TSHZ1: variants seen among roughly 807,000 people sequenced by gnomAD.
TSHZ1 encodes the protein teashirt zinc finger homeobox 1.
TSHZ1 carries 12 observed loss-of-function variants against 67.1 expected under a neutral mutation model. That is an observed-to-expected ratio of 0.18 (90% CI 0.11 to 0.29). TSHZ1 has a LOEUF of 0.29. TSHZ1 is among the 10% of genes least tolerant of loss of function. TSHZ1 has a pLI of 1.00. For synonymous variants in TSHZ1, 632 were observed against 622.4 expected, an observed-to-expected ratio of 1.02 and a Z score of -0.23; for missense variants, 1,305 against 1,413.9, an observed-to-expected ratio of 0.92 and a Z score of 1.23.
intron 1 of TSHZ1, among the ~76,000 whole-genome samples, chr18:75,224,982 G>A (rs146493344): frequency 1.3e-4 from 20 of 152,032 alleles, no homozygotes; most frequent in African/African-American, 4.8e-4. Context: ...AGCAACAGCT[G>A]TCCTTTTTTT....
chr18:75,270,363 A>C (rs763881927), intron 1 of TSHZ1, among the ~76,000 whole-genome samples: 1 of 152,246 alleles, frequency 6.6e-6, no homozygotes. Flanking sequence ...GTCCAGAGGA[A>C]GGGTTCAACA....
At chr18:75,264,790 T>C (rs2023471342) in intron 1 of TSHZ1, among the ~76,000 whole-genome samples, 1 of 152,214 alleles carries the variant, frequency 6.6e-6, no homozygotes, top group Admixed American at 6.5e-5. Context: ...TCTTAAACTT[T>C]AGTGTCAAAT....
intron 1 of TSHZ1, among the ~76,000 whole-genome samples, chr18:75,242,164 G>A (rs1245392618): frequency 2.6e-5 from 4 of 151,940 alleles, no homozygotes. Flanking sequence ...TCACAGATGT[G>A]CTCAGGATAC....
chr18:75,250,191 G>T (rs1416200803), intron 1 of TSHZ1, among the ~76,000 whole-genome samples: 2 of 148,868 alleles, frequency 1.3e-5, no homozygotes, highest in African/African-American at 5.0e-5. Context: ...AGGTGGGGGG[G>T]TGACCTCCCC....
chr18:75,280,084 T>C (rs1297562850), intron 1 of TSHZ1, among the ~76,000 whole-genome samples: 2 of 152,374 alleles, frequency 1.3e-5, no homozygotes, highest in African/African-American at 2.4e-5. Context: ...AATTTTGTCT[T>C]CTGCTTTTTT....
At position 75,288,696 on chromosome 18, in the gene TSHZ1, C is replaced by T. The variant is rs2023821524; in HGVS notation, c.*55C>T. 1.3e-6 allele frequency: 2 copies of T among 1,526,244 alleles called. No homozygotes were observed. Among genetic ancestry groups the T allele is most frequent in the Non-Finnish European group, 8.8e-7 (1 of 1,138,790 alleles). 94.5% of individuals were successfully genotyped at this position (1,526,244 alleles called of 1,614,324 possible). ...TTGCACTAAACGTCGTCGAGCTGCA[C>T]TAGGCCTGGCCTGAGCCTCTGAAAT... On this transcript the variant is annotated 3_prime_UTR_variant, in exon 2 of 2. Transcript: ENST00000580243. The surrounding 1 kb of genome is among the most constrained non-coding windows in gnomAD (Gnocchi z 4.9).
chr18:75,222,053 T>C (rs755474730), intron 1 of TSHZ1, among the ~76,000 whole-genome samples: 3 of 152,186 alleles, frequency 2.0e-5, no homozygotes, highest in African/African-American at 4.8e-5. Context: ...GCTTGGTGCA[T>C]TGTCTGTATA....
chr18:75,266,746 G>A (rs11872521), intron 1 of TSHZ1, among the ~76,000 whole-genome samples: 2,652 of 152,296 alleles, frequency 0.017, 24 homozygotes, highest in Middle Eastern at 0.048. Context: ...GGAGCTGGGC[G>A]CTGAGTCCTG....
At position 75,210,822 on chromosome 18, in the gene TSHZ1, G is replaced by C. The variant is rs955843428; in HGVS notation, c.-1055G>C. The C allele has an allele frequency of 4.0e-5, 6 of 149,416 alleles. No individual in the cohort carries two copies. Among genetic ancestry groups the C allele is most frequent in the Admixed American group, 3.3e-4 (5 of 14,944 alleles). 9.3% of individuals were successfully genotyped at this position (149,416 alleles called of 1,614,324 possible). A position where few individuals can be genotyped will look rare whatever the true frequency, so the allele number is the denominator to read the frequency against. On this transcript the variant is annotated 5_prime_UTR_variant, in exon 1 of 2. Coordinates refer to ENST00000580243, the MANE Select transcript of TSHZ1 (RefSeq NM_001308210.2). ...AGTTGAGACTGTCTGAAAGCTCTGCGATCCGAATGTGTGTTATATTTCACT... is the reference window on the plus strand; with the variant it reads ...AGTTGAGACTGTCTGAAAGCTCTGCCATCCGAATGTGTGTTATATTTCACT...
At chr18:75,214,314 T>C (rs2022738209) in intron 1 of TSHZ1, among the ~76,000 whole-genome samples, 1 of 152,202 alleles carries the variant, frequency 6.6e-6, no homozygotes, top group Non-Finnish European at 1.5e-5. Context: ...GGTGAGAAAA[T>C]CCTGATTTCC....
chr18:75,244,839 G>A (rs2122556300), intron 1 of TSHZ1, among the ~76,000 whole-genome samples: 1 of 152,300 alleles, frequency 6.6e-6, no homozygotes, highest in East Asian at 1.9e-4. Context: ...GGTTTAGTGA[G>A]AGCTGGTTCA....
rs1195378545 is a variant in TSHZ1 at position 75,288,041 on chromosome 18, G to A, written c.2634G>A (p.Glu878=). The change falls in exon 2 of 2, where the codon GAG becomes GAA. Residue 878 remains glutamate (E), a synonymous_variant. Transcript: ENST00000580243. The surrounding 1 kb of genome is among the most constrained non-coding windows in gnomAD (Gnocchi z 4.9). ...DGSSFEEALD[E]LSPVHKRKGR... ...GCAGCTTTGAGGAGGCGTTGGACGAGCTGTCACCGGTCCACAAGAGGAAGG... is the reference window on the plus strand; with the variant it reads ...GCAGCTTTGAGGAGGCGTTGGACGAACTGTCACCGGTCCACAAGAGGAAGG... 8 of 1,614,004 alleles carry A rather than the reference G, an allele frequency of 5.0e-6. No individual in the cohort carries two copies. Among genetic ancestry groups the A allele is most frequent in the Non-Finnish European group, 5.9e-6 (7 of 1,180,036 alleles).
chr18:75,271,491 C>T (rs1437081209), intron 1 of TSHZ1, among the ~76,000 whole-genome samples: 1 of 152,166 alleles, frequency 6.6e-6, no homozygotes, highest in Non-Finnish European at 1.5e-5. Context: ...GCCCCAGGCA[C>T]CCTGGGCCTG....
At chr18:75,256,080 T>C (rs1282993589) in intron 1 of TSHZ1, among the ~76,000 whole-genome samples, 1 of 152,218 alleles carries the variant, frequency 6.6e-6, no homozygotes, top group African/African-American at 2.4e-5. Flanking sequence ...ACTATTTCAG[T>C]GGAAACAGAT....
At chr18:75,215,844 C>T (rs956871696) in intron 1 of TSHZ1, among the ~76,000 whole-genome samples, 8 of 152,212 alleles carry the variant, frequency 5.3e-5, no homozygotes, top group African/African-American at 7.2e-5. Flanking sequence ...GGGGAGGGGC[C>T]GTAGCATGTA....
intron 1 of TSHZ1, among the ~76,000 whole-genome samples, chr18:75,277,294 G>A (rs1242689691): frequency 1.3e-5 from 2 of 152,190 alleles, no homozygotes; most frequent in African/African-American, 4.8e-5. Flanking sequence ...ATTTATTTGA[G>A]TGGCATGAAG....
At chr18:75,216,275 T>C (rs151094816) in intron 1 of TSHZ1, among the ~76,000 whole-genome samples, 22 of 152,342 alleles carry the variant, frequency 1.4e-4, no homozygotes, top group African/African-American at 5.3e-4. Context: ...ATTATGTTAA[T>C]ATTATGTTAA....
intron 1 of TSHZ1, among the ~76,000 whole-genome samples, chr18:75,270,142 A>G (rs1044746184): frequency 6.6e-6 from 1 of 152,192 alleles, no homozygotes; most frequent in Non-Finnish European, 1.5e-5. Flanking sequence ...ATTGTGTGTC[A>G]GGTTGTGTGT....
chr18:75,238,423 A>G lies in TSHZ1; in HGVS notation c.40+26507A>G, dbSNP rs114338907. Among the ~76,000 whole-genome samples the G allele has an allele frequency of 3.0e-3, 451 of 152,300 alleles. 2 individuals are homozygous for G. The highest frequency in any genetic ancestry group is 9.7e-3 in the African/African-American group (402 of 41,562). ...GCTCTAAGATGACTAAGAATTGGCAAACTGGGACATGAAATCACAGTGATC... is the reference window on the plus strand; with the variant it reads ...GCTCTAAGATGACTAAGAATTGGCAGACTGGGACATGAAATCACAGTGATC... On this transcript the variant is annotated intron_variant, in intron 1 of 1. Transcript: ENST00000580243.
Sources: gnomAD v4.1 joint callset for allele counts (sites outside exome capture counted in the v4.1 genomes callset) on GRCh38, gnomAD v4.1.1 for gene constraint, Gnocchi (gnomAD v3.1) non-coding constraint, MANE v1.5 for transcripts, NCBI Gene and HGNC (gene_info 2026-07-23, HGNC 2026-07-21) for gene names.